PAK1IP1: variants seen among roughly 807,000 people sequenced by gnomAD.
The protein encoded by PAK1IP1 is PAK1 interacting protein 1.
A neutral mutation model predicts 42.0 loss-of-function variants in PAK1IP1; 24 were observed. The ratio of observed to expected loss-of-function variants is 0.57; its 90% CI spans 0.41 to 0.80. The LOEUF (loss-of-function observed/expected upper bound fraction) is 0.80, where lower values mean the gene tolerates loss of function less well. Ranked by LOEUF, PAK1IP1 falls within the 30% of genes least tolerant of loss-of-function variation. The pLI is 0.00. For synonymous variants in PAK1IP1, 154 were observed against 156.7 expected (o/e 0.98, Z 0.13); for missense variants, 411 against 467.9 (o/e 0.88, Z 1.12).
intron 1 of PAK1IP1, among the ~76,000 whole-genome samples, chr6:10,695,692 T>C (rs1769801574): frequency 6.6e-6 from 1 of 152,186 alleles, no homozygotes; most frequent in Non-Finnish European, 1.5e-5. Flanking sequence ...AGTAGTCAAA[T>C]AGGTAGATAG....
At chr6:10,703,631 T>C (rs1364732673) in intron 5 of PAK1IP1, among the ~76,000 whole-genome samples, 174 bp downstream of exon 5, 1 of 152,202 alleles carries the variant, frequency 6.6e-6, no homozygotes, top group Non-Finnish European at 1.5e-5. Context: ...TTATTTAAAA[T>C]ATTGTGTAAA....
At chr6:10,696,309 A>AAGG in intron 1 of PAK1IP1, among the ~76,000 whole-genome samples, 1 of 152,310 alleles carries the variant, frequency 6.6e-6, no homozygotes, top group South Asian at 2.1e-4. Flanking sequence ...GCTTGATTCA[A>AAGG]AGGAGGCCCC....
At position 10,703,459 on chromosome 6, in the gene PAK1IP1, T is replaced by C. The variant is rs1770101330; in HGVS notation, c.496+2T>C. On this transcript the variant is annotated splice_donor_variant, in intron 5 of 9. Transcript: ENST00000379568. LOFTEE classifies it high-confidence loss of function. The stretch of plus-strand genomic sequence containing the variant: ...CATTCATAAAAAATATAAAACAAAG[T>C]GAGTATTTTTGTTTGAAATGCAGGT... 1.3e-6 allele frequency: 2 copies of C among 1,595,642 alleles called. No homozygotes were observed. The highest frequency in any genetic ancestry group is 1.3e-5 in the African/African-American group (1 of 74,540).
At chr6:10,708,041 C>CT (rs34074813) in intron 8 of PAK1IP1, among the ~76,000 whole-genome samples, 4,949 of 92,312 alleles carry the variant, frequency 0.054, 182 homozygotes, top group African/African-American at 0.12. Flanking sequence ...TTAGAATTTT[C>CT]TTTTTTTTTT....
In PAK1IP1 at chr6:10,709,178, T is replaced by C. The variant is rs1770303197; in HGVS notation, c.965-60T>C. 2.0e-6 allele frequency: 3 copies of C among 1,524,036 alleles called. No individual in the cohort carries two copies. The South Asian group carries it at 3.6e-5, about 18-fold the overall frequency. 94.4% of individuals were successfully genotyped at this position (1,524,036 alleles called of 1,614,324 possible). A position where few individuals can be genotyped will look rare whatever the true frequency, so the allele number is the denominator to read the frequency against. ...AATTTCACTTTATTGACAGCTTGTG[T>C]TTATTTCATTCAAAGGGGAAAACAG... On this transcript the variant is annotated intron_variant, in intron 9 of 9. Transcript: ENST00000379568.
Position 10,707,472 on chromosome 6 carries a change from G to C in PAK1IP1, c.798G>C (p.Ser266=), listed in dbSNP as rs748458637. The change falls in exon 8 of 10, where the codon TCG becomes TCC. Residue 266 remains serine (S), a synonymous_variant. Coordinates refer to ENST00000379568, the MANE Select transcript of PAK1IP1 (RefSeq NM_017906.3). ...AGCATCATGTTATTGTTTCAGCATCGAGTGATGGTTTCATCAAAATGTGGA... is the reference window on the plus strand; with the variant it reads ...AGCATCATGTTATTGTTTCAGCATCCAGTGATGGTTTCATCAAAATGTGGA... ...IPEHHVIVSA[S]SDGFIKMWKL... The C allele has an allele frequency of 5.0e-6, 8 of 1,611,102 alleles. No homozygotes were observed. Among genetic ancestry groups the C allele is most frequent in the Non-Finnish European group, 6.8e-6 (8 of 1,177,328 alleles).
intron 8 of PAK1IP1, among the ~76,000 whole-genome samples, chr6:10,708,197 C>T (rs80283407): frequency 0.026 from 3,778 of 143,486 alleles, 71 homozygotes; most frequent in South Asian, 0.056. Flanking sequence ...CCTCTCCTTT[C>T]CCCCCACTGC....
upstream of PAK1IP1, among the ~76,000 whole-genome samples, chr6:10,691,324 G>T (rs1379071443): frequency 2.0e-5 from 3 of 152,160 alleles, no homozygotes; most frequent in Non-Finnish European, 1.5e-5. Flanking sequence ...CCCCAAGTGA[G>T]TAATTCCTGT....
At position 10,706,642 on chromosome 6, in the gene PAK1IP1, T is replaced by C. The variant is rs59975165; in HGVS notation, c.741-773T>C. On this transcript the variant is annotated intron_variant, in intron 7 of 9. Coordinates refer to ENST00000379568, the MANE Select transcript of PAK1IP1 (RefSeq NM_017906.3). The stretch of plus-strand genomic sequence containing the variant: ...GCTCATGCCTGTAATCCTGGCACTT[T>C]GGGAGGCTGAGGTAGGCAGATCACA... Among the ~76,000 whole-genome samples, 873 of 152,254 alleles carry C rather than the reference T, an allele frequency of 5.7e-3. 6 individuals carry two copies. The highest frequency in any genetic ancestry group is 0.02 in the African/African-American group (829 of 41,544).
chr6:10,691,481 T>C (rs1330597166), upstream of PAK1IP1, among the ~76,000 whole-genome samples: 3 of 152,142 alleles, frequency 2.0e-5, no homozygotes, highest in Admixed American at 6.5e-5. Context: ...TGCTTTTCTA[T>C]ACAATGTCTC....
chr6:10,706,755 C>T (rs531512838), intron 7 of PAK1IP1, among the ~76,000 whole-genome samples: 9 of 151,882 alleles, frequency 5.9e-5, no homozygotes, highest in South Asian at 2.1e-4. Flanking sequence ...TGGTGGCGCA[C>T]GCCTGTAATC....
Position 10,702,697 on chromosome 6 carries a change from C to T in PAK1IP1, c.443+58C>T. Reference sequence around the variant, plus strand: ...AGGTGTGTGTTTTACTACAGCTCTCCACCATCTAAAAATACTGTTATACAA... The same window carrying T: ...AGGTGTGTGTTTTACTACAGCTCTCTACCATCTAAAAATACTGTTATACAA... On this transcript the variant is annotated intron_variant, in intron 4 of 9. Transcript: ENST00000379568. The T allele has an allele frequency of 1.3e-5, 16 of 1,209,520 alleles. No homozygotes were observed. The South Asian group carries it at 1.9e-4, about 15-fold the overall frequency. 74.9% of individuals were successfully genotyped at this position (1,209,520 alleles called of 1,614,324 possible).
chr6:10,702,536 T>C (rs201116965), intron 3 of PAK1IP1, 29 bp from the exon 4 acceptor site: 1 of 1,614,126 alleles, frequency 6.2e-7, no homozygotes, highest in East Asian at 2.2e-5. Flanking sequence ...GCCAGTCAAG[T>C]TGGGGACTAA....
chr6:10,709,469 G>A lies in PAK1IP1; in HGVS notation c.*17G>A. ...ATGCAGTGAATCACAGATGTCTCCT[G>A]AAAGAACTCTTTTAGATGAAATCAT... On this transcript the variant is annotated 3_prime_UTR_variant, in exon 10 of 10. Transcript: ENST00000379568. 6.5e-7 allele frequency: 1 copy of A among 1,535,160 alleles called. No individual in the cohort carries two copies. The highest frequency in any genetic ancestry group is 8.9e-7 in the Non-Finnish European group (1 of 1,120,894).
rs760564982 is a variant in PAK1IP1, at chr6:10,697,404, G to T, written c.165G>T (p.Val55=). The T allele has an allele frequency of 1.2e-6, 2 of 1,613,940 alleles. No individual in the cohort carries two copies. Among genetic ancestry groups the T allele is most frequent in the South Asian group, 2.2e-5 (2 of 91,084 alleles). ...LSAVAVNSRF[V]VTGSKDETIH... ...CAGTAGCTGTAAATAGTCGTTTTGT[G>T]GTCACTGGGAGCAAAGATGAAACAA... Residue 55 remains valine (V), a synonymous_variant, in exon 2 of 10, where the codon GTG becomes GTT. Coordinates refer to ENST00000379568, the MANE Select transcript of PAK1IP1 (RefSeq NM_017906.3).
chr6:10,699,102 A>G (rs1419288556), intron 2 of PAK1IP1, among the ~76,000 whole-genome samples: 1 of 147,374 alleles, frequency 6.8e-6, no homozygotes, highest in African/African-American at 2.5e-5. Flanking sequence ...TAGGAGGCTG[A>G]GGCAGGAGAA....
intron 7 of PAK1IP1, among the ~76,000 whole-genome samples, chr6:10,705,322 AAATAAT>A (rs1193887100): frequency 1.3e-5 from 2 of 152,068 alleles, no homozygotes; most frequent in Admixed American, 6.5e-5. Context: ...GTCTCAAAAA[AAATAAT>A]AATAATAATG....
chr6:10,701,145 C>T (rs1466385494), intron 2 of PAK1IP1, among the ~76,000 whole-genome samples: 10 of 152,098 alleles, frequency 6.6e-5, no homozygotes, highest in African/African-American at 4.8e-5. Flanking sequence ...TGGCAGAGCT[C>T]GGCTCACTGC....
At chr6:10,693,939 G>A (rs1769595919), upstream of PAK1IP1, among the ~76,000 whole-genome samples, 1 of 152,064 alleles carries the variant, frequency 6.6e-6, no homozygotes, top group African/African-American at 2.4e-5. Context: ...ATGTTGCTCA[G>A]GCTCACTTTG....
Sources: allele counts gnomAD v4.1 joint callset (sites outside exome capture counted in the v4.1 genomes callset), GRCh38; gene constraint gnomAD v4.1.1; transcripts MANE v1.5; gene names NCBI Gene and HGNC (gene_info 2026-07-23, HGNC 2026-07-21).